Variants in RBFOX1 observed in about 807,000 individuals in gnomAD.
RBFOX1 encodes the protein RNA binding fox-1 homolog 1, also known as RNA binding protein fox-1 homolog 1.
RBFOX1 carries 8 observed loss-of-function variants against 57.7 expected under a neutral mutation model. The ratio of observed to expected loss-of-function variants is 0.14; its 90% confidence interval spans 0.08 to 0.25. The LOEUF (loss-of-function observed/expected upper bound fraction) is 0.25, where lower values mean the gene tolerates loss of function less well. RBFOX1 is among the 10% of genes least tolerant of loss of function. The pLI, the probability that RBFOX1 is intolerant of heterozygous loss-of-function variation, is 1.00. For synonymous variants in RBFOX1, 326 were observed against 222.4 expected, an observed-to-expected ratio of 1.47 and a Z score of -4.15; for missense variants, 611 against 548.5, an observed-to-expected ratio of 1.11 and a Z score of -1.14.
intron 2 of RBFOX1, among the ~76,000 whole-genome samples, chr16:5,471,587 G>A (rs971677687): frequency 6.6e-6 from 1 of 152,120 alleles, no homozygotes; most frequent in African/African-American, 2.4e-5. Flanking sequence ...AGAACCCTCT[G>A]TCTCTCCAGG....
chr16:7,689,246 C>T (rs144665618), intron 14 of RBFOX1, among the ~76,000 whole-genome samples: 3 of 152,184 alleles, frequency 2.0e-5, no homozygotes, highest in Middle Eastern at 3.4e-3. Context: ...TCAATTTGGC[C>T]ATTTCATCAT....
At position 7,094,744 on chromosome 16, in the gene RBFOX1, CTGTGTG is replaced by C. The variant is rs370249382; in HGVS notation, c.27+42673_27+42678del. Among the ~76,000 whole-genome samples, 678 of 139,434 alleles carry C rather than the reference CTGTGTG, an allele frequency of 4.9e-3. 3 individuals are homozygous for C. Among genetic ancestry groups the C allele is most frequent in the Non-Finnish European group, 7.8e-3 (502 of 64,388 alleles). 91.5% of individuals were successfully genotyped at this position (139,434 alleles called of 152,430 possible). ...ACTGAAATAAGGGCAGACTGTACAG[CTGTGTG>C]TGTGTGTGTGTGTGTGTGTGTGTGT... On this transcript the variant is annotated intron_variant, in intron 4 of 15. Transcript: ENST00000550418.
chr16:6,308,721 G>A (rs7199223), intron 1 of RBFOX1, among the ~76,000 whole-genome samples: 2,218 of 152,270 alleles, frequency 0.015, 56 homozygotes, highest in African/African-American at 0.051. Context: ...TGATTTATGC[G>A]AAAAGCAGGC....
Position 6,271,231 on chromosome 16 carries a change from C to G in RBFOX1, c.-126-45764C>G, listed in dbSNP as rs533969870. Among the ~76,000 whole-genome samples, 148 of 152,234 alleles carry G rather than the reference C, an allele frequency of 9.7e-4. 1 individual carries two copies. The highest frequency in any genetic ancestry group is 6.0e-3 in the South Asian group (29 of 4,824). On this transcript the variant is annotated intron_variant, in intron 1 of 15. Transcript: ENST00000550418. Reference sequence around the variant, plus strand: ...TAGAGGTCAGGAGTTTGAGACCAGTCTGGCCAACATGGTGAAACCCCATAC... The same window carrying G: ...TAGAGGTCAGGAGTTTGAGACCAGTGTGGCCAACATGGTGAAACCCCATAC...
chr16:5,340,453 T>A (rs1162433911), intron 1 of RBFOX1, among the ~76,000 whole-genome samples: 1 of 152,234 alleles, frequency 6.6e-6, no homozygotes, highest in South Asian at 2.1e-4. Context: ...AATTCTATGA[T>A]CTGTCAGGGA....
At chr16:5,256,483 T>G (rs113659677) in intron 1 of RBFOX1, among the ~76,000 whole-genome samples, 3 of 152,310 alleles carry the variant, frequency 2.0e-5, no homozygotes, top group African/African-American at 7.2e-5. Context: ...CCACATCTGC[T>G]TCTCTCCCAG....
chr16:6,074,046 C>G (rs1246122517), intron 1 of RBFOX1, among the ~76,000 whole-genome samples: 3 of 152,094 alleles, frequency 2.0e-5, no homozygotes, highest in East Asian at 3.9e-4. Context: ...CCTCCTGGGT[C>G]CCTGCCATTC....
intron 1 of RBFOX1, among the ~76,000 whole-genome samples, chr16:6,081,953 A>G (rs754062583): frequency 6.6e-6 from 1 of 152,122 alleles, no homozygotes; most frequent in Non-Finnish European, 1.5e-5. Context: ...ATTTTCAGGA[A>G]GGAGGGATTA....
At chr16:7,266,210 C>T (rs1280018408) in intron 4 of RBFOX1, among the ~76,000 whole-genome samples, 2 of 140,404 alleles carry the variant, frequency 1.4e-5, no homozygotes, top group African/African-American at 2.7e-5. Flanking sequence ...CTCCTGACCT[C>T]GTGACCCGGC....
chr16:7,130,875 A>C (rs2070141088), intron 4 of RBFOX1, among the ~76,000 whole-genome samples: 1 of 152,130 alleles, frequency 6.6e-6, no homozygotes, highest in Non-Finnish European at 1.5e-5. Flanking sequence ...TGCCATCAAG[A>C]AGAGATGATG....
chr16:6,650,656 G>C (rs906227180), intron 2 of RBFOX1, among the ~76,000 whole-genome samples: 2 of 152,176 alleles, frequency 1.3e-5, no homozygotes, highest in Non-Finnish European at 2.9e-5. Flanking sequence ...AAAACAGTCT[G>C]TTCTACATAA....
At chr16:5,838,066 A>G (rs1464140690) in intron 3 of RBFOX1, 2 of 152,764 alleles carry the variant, frequency 1.3e-5, no homozygotes, top group East Asian at 1.9e-4. Flanking sequence ...GCTTGAAAAC[A>G]TAATTCTCTT....
chr16:6,204,903 C>T (rs766412515), intron 1 of RBFOX1, among the ~76,000 whole-genome samples: 3 of 152,170 alleles, frequency 2.0e-5, no homozygotes, highest in Non-Finnish European at 2.9e-5. Context: ...TGCACGATAA[C>T]ACACGATTAA....
rs552540653 is a variant in RBFOX1, at chr16:6,118,801, C to T, written c.-127+98809C>T. On this transcript the variant is annotated intron_variant, in intron 1 of 15. Coordinates refer to ENST00000550418, the MANE Select transcript of RBFOX1 (RefSeq NM_018723.4). Reference sequence around the variant, plus strand: ...TCTCCCTCTCTTTCTCTCTCTCCTTCCTTCCTTCCTTCCTTCCCTCCTTCC... The same window carrying T: ...TCTCCCTCTCTTTCTCTCTCTCCTTTCTTCCTTCCTTCCTTCCCTCCTTCC... Among the ~76,000 whole-genome samples the T allele has an allele frequency of 3.3e-5, 5 of 150,966 alleles. No homozygotes were observed. In the South Asian group the frequency reaches 1.1e-3, roughly 32 times the overall value.
Position 5,868,274 on chromosome 16 carries a change from C to T in RBFOX1, c.351+939C>T, listed in dbSNP as rs559007704. 5.3e-4 allele frequency among the ~76,000 whole-genome samples: 81 copies of T among 152,294 alleles called. 2 individuals carry two copies. The South Asian group carries it at 0.013, about 25-fold the overall frequency. ...CCCAGGAGCCCAGGGCTCTGTGTGA[C>T]GTCCAGTGTTGCATTATTGGAACCC... On this transcript the variant is annotated intron_variant, in intron 4 of 19. Transcript: ENST00000641259.
chr16:7,607,411 G>A, intron 10 of RBFOX1, 73 bp downstream of exon 10: 1 of 1,398,652 alleles, frequency 7.1e-7, no homozygotes. Context: ...GAATGAATGA[G>A]TTTTGTAAAA....
intron 4 of RBFOX1, among the ~76,000 whole-genome samples, chr16:7,294,237 C>T (rs773718070): frequency 7.2e-5 from 11 of 152,046 alleles, no homozygotes; most frequent in African/African-American, 1.4e-4. Flanking sequence ...CCTACCCTTC[C>T]TTGTCCCACG....
At chr16:7,071,811 T>TAC (rs1395926928) in intron 4 of RBFOX1, among the ~76,000 whole-genome samples, 3 of 151,940 alleles carry the variant, frequency 2.0e-5, no homozygotes, top group Non-Finnish European at 4.4e-5. Context: ...CTGTGTCTTC[T>TAC]ACACACACAC....
Position 6,004,528 on chromosome 16 carries a change from C to G in RBFOX1, c.351+137193C>G, listed in dbSNP as rs118174488. ...CAGAGACTTTTAGTCTATGGCCACT[C>G]AATGAATGTCCAGAAGGTTTTAATG... is the stretch of plus-strand genomic sequence containing the variant. On this transcript the variant is annotated intron_variant, in intron 4 of 19. Transcript: ENST00000641259. Among the ~76,000 whole-genome samples the G allele has an allele frequency of 3.2e-3, 482 of 152,322 alleles. 1 individual carries two copies. Among genetic ancestry groups the G allele is most frequent in the Admixed American group, 4.9e-3 (75 of 15,306 alleles).
Sources: gnomAD v4.1 joint callset for allele counts (sites outside exome capture counted in the v4.1 genomes callset) on GRCh38, gnomAD v4.1.1 for gene constraint, MANE v1.5 for transcripts, NCBI Gene and HGNC (gene_info 2026-07-23, HGNC 2026-07-21) for gene names.